Variants in COMMD7 observed in about 807,000 individuals in gnomAD.
COMMD7 encodes COMM domain-containing protein 7.
COMMD7 carries 28 observed loss-of-function variants against 34.8 expected under a neutral mutation model. That is an observed-to-expected ratio of 0.80 (90% CI 0.60 to 1.10). COMMD7 has a LOEUF of 1.10. COMMD7 is among the 50% of genes least tolerant of loss of function. The probability of loss-of-function intolerance (pLI) is 0.00; values close to 1 mark genes in which losing one functional copy is unlikely to be tolerated. For missense variants in COMMD7, 211 were observed against 241.6 expected, an observed-to-expected ratio of 0.87 and a Z score of 0.84; for synonymous variants, 80 against 86.4, an observed-to-expected ratio of 0.93 and a Z score of 0.41.
chr20:32,714,824 A>AAACAACAACAAC (rs55911529), intron 3 of COMMD7, among the ~76,000 whole-genome samples: 7,894 of 139,664 alleles, frequency 0.057, 286 homozygotes, highest in Middle Eastern at 0.089. Context: ...ACTCCATCTC[A>AAACAACAACAAC]AACAACAACA....
chr20:32,726,849 C>T (rs148555885), intron 3 of COMMD7, among the ~76,000 whole-genome samples: 122 of 152,236 alleles, frequency 8.0e-4, no homozygotes, highest in African/African-American at 2.8e-3. Context: ...ACCTCAGGAG[C>T]ACAATACAGG....
chr20:32,704,143 G>T, intron 7 of COMMD7, 72 bp from the exon 8 acceptor site: 1 of 1,287,720 alleles, frequency 7.8e-7, no homozygotes, highest in South Asian at 1.5e-5. Flanking sequence ...AAAACCCTTT[G>T]ACTTAATTAA....
chr20:32,725,533 A>G (rs1337577091), intron 3 of COMMD7, among the ~76,000 whole-genome samples: 1 of 147,686 alleles, frequency 6.8e-6, no homozygotes, highest in Non-Finnish European at 1.5e-5. Flanking sequence ...GGATCACGCC[A>G]TTCTCCTGCC....
At position 32,706,734 on chromosome 20, in the gene COMMD7, T is replaced by C. The variant is rs1231974738; in HGVS notation, c.268A>G (p.Lys90Glu). 1.2e-5 allele frequency: 19 copies of C among 1,613,848 alleles called. No homozygotes were observed. Among genetic ancestry groups the C allele is most frequent in the Non-Finnish European group, 1.6e-5 (19 of 1,179,964 alleles). Residue 90 changes from lysine to glutamate, a missense_variant, in exon 4 of 9, where the codon AAG becomes GAG. Physicochemically the swap from Lys to Glu is moderately conservative, Grantham distance 56. Coordinates refer to ENST00000278980, the MANE Select transcript of COMMD7 (RefSeq NM_053041.3). ...GTTATGAAATCCGCCTGGACCTGCT[T>C]GGCTGTGAGACTCTTCTTCAAAGCA... Reference protein sequence around the residue: ...NGALKKSLTAKQVQADFITLG... With the variant: ...NGALKKSLTAEQVQADFITLG...
chr20:32,715,470 C>T (rs1171469454), intron 3 of COMMD7, among the ~76,000 whole-genome samples: 1 of 144,020 alleles, frequency 6.9e-6, no homozygotes, highest in Non-Finnish European at 1.5e-5. Context: ...GCAACACAGC[C>T]GGACCCAGTC....
At chr20:32,742,370 G>C (rs1986490523) in intron 1 of COMMD7, 1 of 152,044 alleles carries the variant, frequency 6.6e-6, no homozygotes, top group Admixed American at 6.6e-5. Flanking sequence ...GGAAGTTGTG[G>C]GGGGTATGGA....
At chr20:32,738,570 T>C (rs1425879731) in intron 1 of COMMD7, among the ~76,000 whole-genome samples, 2 of 152,046 alleles carry the variant, frequency 1.3e-5, no homozygotes, top group Non-Finnish European at 2.9e-5. Context: ...CTGGGCAATA[T>C]TGAGACTATC....
chr20:32,718,969 A>T (rs1984987601), intron 3 of COMMD7, among the ~76,000 whole-genome samples: 1 of 152,100 alleles, frequency 6.6e-6, no homozygotes, highest in Admixed American at 6.6e-5. Context: ...TTTGAGGAAG[A>T]CTGATCTGGT....
intron 3 of COMMD7, among the ~76,000 whole-genome samples, chr20:32,709,313 TAGTCCC>T (rs1168816792): frequency 1.3e-5 from 2 of 151,590 alleles, no homozygotes; most frequent in African/African-American, 2.4e-5. Flanking sequence ...CATGCGCCTG[TAGTCCC>T]AGCTACTTGG....
intron 3 of COMMD7, among the ~76,000 whole-genome samples, chr20:32,719,581 C>T (rs527555670): frequency 5.3e-5 from 8 of 152,016 alleles, no homozygotes; most frequent in East Asian, 3.9e-4. Flanking sequence ...ACCTGGGAGG[C>T]GGAGCTGGCA....
At chr20:32,732,893 G>A (rs1045863652) in intron 1 of COMMD7, among the ~76,000 whole-genome samples, 11 of 151,728 alleles carry the variant, frequency 7.2e-5, no homozygotes, top group Admixed American at 3.3e-4. Context: ...CCGAGATCGC[G>A]CCACTGCACT....
intron 3 of COMMD7, among the ~76,000 whole-genome samples, chr20:32,719,534 C>T (rs1324360349): frequency 6.6e-6 from 1 of 152,030 alleles, no homozygotes; most frequent in Non-Finnish European, 1.5e-5. Flanking sequence ...CCTGTAATCC[C>T]AGCTACTCAG....
At chr20:32,736,336 G>A (rs1212895929) in intron 1 of COMMD7, among the ~76,000 whole-genome samples, 1 of 152,144 alleles carries the variant, frequency 6.6e-6, no homozygotes, top group Non-Finnish European at 1.5e-5. Context: ...AACGACTCAG[G>A]TAAGTTGCTT....
intron 1 of COMMD7, among the ~76,000 whole-genome samples, chr20:32,733,670 T>C (rs1182423728): frequency 6.7e-6 from 1 of 148,820 alleles, no homozygotes; most frequent in Non-Finnish European, 1.5e-5. Flanking sequence ...TGAGCCGAGA[T>C]TGCACCATTG....
At chr20:32,722,781 G>A (rs1286244188) in intron 3 of COMMD7, among the ~76,000 whole-genome samples, 1 of 150,770 alleles carries the variant, frequency 6.6e-6, no homozygotes, top group Non-Finnish European at 1.5e-5. Context: ...CAGCACTTTG[G>A]GAGGCTGAGG....
chr20:32,733,994 T>C (rs1450203527), intron 1 of COMMD7, among the ~76,000 whole-genome samples: 1 of 150,002 alleles, frequency 6.7e-6, no homozygotes, highest in East Asian at 2.0e-4. Flanking sequence ...CTGGCTACGG[T>C]GAAACCCCAT....
intron 3 of COMMD7, 100 bp from the exon 4 acceptor site, chr20:32,706,860 G>T: frequency 1.1e-6 from 1 of 893,478 alleles, no homozygotes; most frequent in Non-Finnish European, 1.8e-6. Flanking sequence ...AGGACAAAAG[G>T]AACACCCAAA....
At chr20:32,722,970 G>A (rs1985263615) in intron 3 of COMMD7, among the ~76,000 whole-genome samples, 1 of 151,162 alleles carries the variant, frequency 6.6e-6, no homozygotes, top group Admixed American at 6.6e-5. Context: ...AGTGAGCTGA[G>A]ATCACGCCAC....
At chr20:32,719,741 GT>G (rs1985041956) in intron 3 of COMMD7, among the ~76,000 whole-genome samples, 1 of 152,062 alleles carries the variant, frequency 6.6e-6, no homozygotes. Context: ...TTAGGTAAAA[GT>G]TTTATCCCAT....
Sources: allele counts gnomAD v4.1 joint callset (sites outside exome capture counted in the v4.1 genomes callset), GRCh38; gene constraint gnomAD v4.1.1; transcripts MANE v1.5; gene names NCBI Gene and HGNC (gene_info 2026-07-23, HGNC 2026-07-21).